ST8SIA6: variants seen among roughly 807,000 people sequenced by gnomAD.
The protein encoded by ST8SIA6 is alpha-2,8-sialyltransferase 8F.
A neutral mutation model predicts 33.6 loss-of-function variants in ST8SIA6; 39 were observed. The observed-to-expected ratio is 1.16, with a 90% CI of 0.90 to 1.52. The LOEUF (loss-of-function observed/expected upper bound fraction) is 1.52, where lower values mean the gene tolerates loss of function less well. Ranked by LOEUF, ST8SIA6 falls within the 40% of genes most tolerant of loss-of-function variation. The probability of loss-of-function intolerance (pLI) is 0.00; values close to 1 mark genes in which losing one functional copy is unlikely to be tolerated. For missense variants in ST8SIA6, 441 were observed against 443.8 expected (o/e 0.99, Z 0.06); for synonymous variants, 172 against 167.2 (o/e 1.03, Z -0.22).
chr10:17,348,220 CCTTTT>C (rs1178143477), intron 4 of ST8SIA6, among the ~76,000 whole-genome samples: 1 of 122,650 alleles, frequency 8.2e-6, no homozygotes, highest in Non-Finnish European at 1.7e-5. Context: ...AGAGTAGGAA[CCTTTT>C]TTTTTTTTTT....
chr10:17,407,974 A>G (rs1851328923), intron 2 of ST8SIA6: 1 of 152,670 alleles, frequency 6.6e-6, no homozygotes, highest in Non-Finnish European at 1.5e-5. Flanking sequence ...TCAGATAAAA[A>G]TCATAATAAA....
chr10:17,372,209 G>A (rs1849757947), intron 3 of ST8SIA6, among the ~76,000 whole-genome samples: 1 of 152,164 alleles, frequency 6.6e-6, no homozygotes, highest in Non-Finnish European at 1.5e-5. Flanking sequence ...TTCAAGTAGG[G>A]TACTGCTACG....
intron 4 of ST8SIA6, among the ~76,000 whole-genome samples, chr10:17,334,942 T>C (rs1201668816): frequency 6.6e-6 from 1 of 152,192 alleles, no homozygotes; most frequent in African/African-American, 2.4e-5. Flanking sequence ...TGTTCCAGGG[T>C]TTAATCAACC....
intron 2 of ST8SIA6, among the ~76,000 whole-genome samples, chr10:17,445,719 G>A (rs1203185752): frequency 6.6e-6 from 1 of 152,070 alleles, no homozygotes; most frequent in East Asian, 1.9e-4. Flanking sequence ...CTATTGTATC[G>A]TACTACATAA....
At chr10:17,406,856 G>A in intron 2 of ST8SIA6, among the ~76,000 whole-genome samples, 1 of 148,014 alleles carries the variant, frequency 6.8e-6, no homozygotes, top group South Asian at 2.1e-4. Flanking sequence ...GTGCAACGGT[G>A]CAATCTCAGC....
intron 3 of ST8SIA6, among the ~76,000 whole-genome samples, chr10:17,362,079 T>C (rs1193594876): frequency 1.3e-5 from 2 of 152,070 alleles, no homozygotes; most frequent in African/African-American, 4.8e-5. Context: ...ATGAATGCTT[T>C]CCCCCTAAAA....
chr10:17,361,715 A>G (rs1849396708), intron 3 of ST8SIA6, among the ~76,000 whole-genome samples: 2 of 151,512 alleles, frequency 1.3e-5, no homozygotes, highest in South Asian at 2.1e-4. Flanking sequence ...ACATTGGGAA[A>G]AAAAAAAAAA....
intron 2 of ST8SIA6, among the ~76,000 whole-genome samples, chr10:17,394,054 G>A (rs569185016): frequency 6.6e-6 from 1 of 152,286 alleles, no homozygotes; most frequent in South Asian, 2.1e-4. Context: ...TTTGAATTAC[G>A]ATGGCGTTGC....
chr10:17,426,675 A>G (rs1851949142), intron 2 of ST8SIA6, among the ~76,000 whole-genome samples: 1 of 152,222 alleles, frequency 6.6e-6, no homozygotes, highest in African/African-American at 2.4e-5. Flanking sequence ...CTGAGGGGCT[A>G]CGGGCTGAGC....
rs373061013 is a variant in ST8SIA6, at chr10:17,418,881, T to C, written c.201-28261A>G. ...GGTGGCAGGTGCTTGTAATTCCAGC[T>C]ACTGGGGAGGCTGAGGCAGGAGAAT... is the stretch of plus-strand genomic sequence containing the variant. On this transcript the variant is annotated intron_variant, in intron 2 of 7. Coordinates refer to ENST00000377602, the MANE Select transcript of ST8SIA6 (RefSeq NM_001004470.3). Among the ~76,000 whole-genome samples the C allele has an allele frequency of 4.1e-5, 6 of 146,346 alleles. No individual in the cohort carries two copies. The East Asian group carries it at 6.4e-4, about 16-fold the overall frequency.
rs184160433 is a variant in ST8SIA6, at chr10:17,332,139, C to T, written c.378-587G>A. The stretch of plus-strand genomic sequence containing the variant: ...GACATGATCTCATTCCTTTTTATGG[C>T]TGCGTAGCATTCCATGGTGTATATT... On this transcript the variant is annotated intron_variant, in intron 4 of 7. Transcript: ENST00000377602. 1.5e-4 allele frequency among the ~76,000 whole-genome samples: 23 copies of T among 152,312 alleles called. 1 individual carries two copies. In the East Asian group the frequency reaches 4.4e-3, roughly 29 times the overall value.
chr10:17,375,506 A>T (rs1051156292), intron 3 of ST8SIA6, among the ~76,000 whole-genome samples: 4 of 152,230 alleles, frequency 2.6e-5, no homozygotes, highest in African/African-American at 4.8e-5. Context: ...GTGCCTCCCG[A>T]GTAGCAACTT....
intron 3 of ST8SIA6, among the ~76,000 whole-genome samples, chr10:17,383,256 A>C (rs764431016): frequency 1.2e-4 from 18 of 152,180 alleles, no homozygotes; most frequent in Non-Finnish European, 1.8e-4. Context: ...TCAAATTATC[A>C]ATTATGTCTT....
At chr10:17,431,398 A>G (rs1265520479) in intron 2 of ST8SIA6, among the ~76,000 whole-genome samples, 2 of 152,236 alleles carry the variant, frequency 1.3e-5, no homozygotes, top group African/African-American at 2.4e-5. Context: ...GTGTGACCGG[A>G]ATAATGATAT....
chr10:17,411,508 A>C (rs1851449988), intron 2 of ST8SIA6, among the ~76,000 whole-genome samples: 1 of 152,142 alleles, frequency 6.6e-6, no homozygotes, highest in Non-Finnish European at 1.5e-5. Flanking sequence ...GATTGCATGA[A>C]AGTGTATTAA....
intron 2 of ST8SIA6, among the ~76,000 whole-genome samples, chr10:17,420,390 C>G (rs1015282006): frequency 3.3e-5 from 5 of 151,552 alleles, no homozygotes; most frequent in Non-Finnish European, 7.4e-5. Flanking sequence ...CCAGCCTGGG[C>G]GACAGAGCGA....
intron 2 of ST8SIA6, among the ~76,000 whole-genome samples, chr10:17,439,371 C>A (rs1026828175): frequency 2.0e-5 from 3 of 151,544 alleles, no homozygotes; most frequent in African/African-American, 4.9e-5. Flanking sequence ...CCTCCGCCTT[C>A]CATGTTCAAG....
intron 3 of ST8SIA6, among the ~76,000 whole-genome samples, chr10:17,389,363 C>G (rs1320043527): frequency 1.3e-5 from 2 of 152,176 alleles, no homozygotes; most frequent in African/African-American, 4.8e-5. Flanking sequence ...TTACATTATC[C>G]TGAACCATCT....
At chr10:17,395,370 T>G (rs1020734648) in intron 2 of ST8SIA6, among the ~76,000 whole-genome samples, 1 of 152,106 alleles carries the variant, frequency 6.6e-6, no homozygotes, top group African/African-American at 2.4e-5. Context: ...AGCATATGAA[T>G]GCAGAGGGAC....
Sources: gnomAD v4.1 joint callset for allele counts (sites outside exome capture counted in the v4.1 genomes callset) on GRCh38, gnomAD v4.1.1 for gene constraint, MANE v1.5 for transcripts, NCBI Gene and HGNC (gene_info 2026-07-23, HGNC 2026-07-21) for gene names.